Variants in SLC16A7 observed in about 807,000 individuals in gnomAD.
SLC16A7 encodes monocarboxylate transporter 2.
In SLC16A7, 33 loss-of-function variants were observed where a neutral mutation model predicts 34.9. The ratio of observed to expected loss-of-function variants is 0.94; its 90% CI spans 0.72 to 1.26. The LOEUF (loss-of-function observed/expected upper bound fraction) is 1.26. Among genes scored for constraint, SLC16A7 ranks in the 50% most tolerant of loss-of-function variants. The probability of loss-of-function intolerance (pLI) is 0.00; values close to 1 mark genes in which losing one functional copy is unlikely to be tolerated. For synonymous variants in SLC16A7, 201 were observed against 206.6 expected, an observed-to-expected ratio of 0.97 and a Z score of 0.23; for missense variants, 573 against 578.1, an observed-to-expected ratio of 0.99 and a Z score of 0.09.
At chr12:59,700,626 A>C (rs889127239) in intron 2 of SLC16A7, among the ~76,000 whole-genome samples, 1 of 151,246 alleles carries the variant, frequency 6.6e-6, no homozygotes, top group African/African-American at 2.4e-5. Context: ...TTAGGAACAC[A>C]TACACATATA....
At chr12:59,685,609 C>T (rs1871092438) in intron 2 of SLC16A7, among the ~76,000 whole-genome samples, 1 of 151,958 alleles carries the variant, frequency 6.6e-6, no homozygotes, top group South Asian at 2.1e-4. Context: ...TGATATGATT[C>T]CCACCTGCTA....
At chr12:59,744,276 A>G (rs1043877920) in intron 3 of SLC16A7, among the ~76,000 whole-genome samples, 1 of 152,068 alleles carries the variant, frequency 6.6e-6, no homozygotes. Flanking sequence ...CCATACCCAT[A>G]AAAACCCTAG....
chr12:59,722,404 C>A (rs949038795), intron 3 of SLC16A7, among the ~76,000 whole-genome samples: 1 of 151,902 alleles, frequency 6.6e-6, no homozygotes, highest in South Asian at 2.1e-4. Context: ...GTTCCTGTTT[C>A]TGAATATACC....
chr12:59,787,931 A>G lies in SLC16A7; in HGVS notation c.*8252A>G, dbSNP rs532730894. 1 of 152,202 alleles carries G rather than the reference A, an allele frequency of 6.6e-6. No homozygotes were observed. Among genetic ancestry groups the G allele is most frequent in the Non-Finnish European group, 1.5e-5 (1 of 68,040 alleles). The allele number at this position is 152,202 out of a possible 1,614,324, so 9.4% of individuals were successfully genotyped here. A position where few individuals can be genotyped will look rare whatever the true frequency, so the allele number is the denominator to read the frequency against. On this transcript the variant is annotated 3_prime_UTR_variant, in exon 6 of 6. Transcript: ENST00000547379. Reference sequence around the variant, plus strand: ...TAACTTAATCAAATATGAGTCAGATATAGTAATTCCTGATATTGCAGATGA... The same window carrying G: ...TAACTTAATCAAATATGAGTCAGATGTAGTAATTCCTGATATTGCAGATGA...
At chr12:59,639,810 C>A (rs1015616518) in intron 1 of SLC16A7, among the ~76,000 whole-genome samples, 5 of 152,166 alleles carry the variant, frequency 3.3e-5, no homozygotes, top group Non-Finnish European at 7.3e-5. Flanking sequence ...TAACTCAATT[C>A]TTATGCTAAT....
chr12:59,716,669 G>A (rs1333984684), intron 3 of SLC16A7, among the ~76,000 whole-genome samples: 1 of 151,942 alleles, frequency 6.6e-6, no homozygotes, highest in Non-Finnish European at 1.5e-5. Context: ...ACAACATGGT[G>A]AAACCCTGCC....
chr12:59,672,058 AT>A (rs1355275706), intron 2 of SLC16A7, among the ~76,000 whole-genome samples: 1 of 14 alleles, frequency 0.071, no homozygotes, highest in African/African-American at 0.17. Context: ...ATGTGTATAT[AT>A]CGCATATATC....
At chr12:59,634,429 G>T (rs1880324957) in intron 1 of SLC16A7, among the ~76,000 whole-genome samples, 1 of 152,040 alleles carries the variant, frequency 6.6e-6, no homozygotes, top group Admixed American at 6.6e-5. Context: ...GTTATAGTTG[G>T]TGAGAGAGAT....
chr12:59,749,633 G>A (rs1030851257), intron 3 of SLC16A7, among the ~76,000 whole-genome samples: 1 of 152,146 alleles, frequency 6.6e-6, no homozygotes, highest in African/African-American at 2.4e-5. Context: ...ATGTTTGGAA[G>A]AATTACACCC....
At chr12:59,639,753 C>T (rs1012094229) in intron 1 of SLC16A7, among the ~76,000 whole-genome samples, 2 of 152,108 alleles carry the variant, frequency 1.3e-5, no homozygotes, top group Non-Finnish European at 2.9e-5. Flanking sequence ...TTTCCCTTGC[C>T]AACCATTCTC....
chr12:59,668,459 T>C (rs768066442), intron 2 of SLC16A7, among the ~76,000 whole-genome samples: 9 of 152,198 alleles, frequency 5.9e-5, no homozygotes, highest in Non-Finnish European at 2.9e-5. Context: ...GACTGCCGTA[T>C]TGGATTTAGG....
chr12:59,663,098 A>G (rs1384118529), intron 2 of SLC16A7, among the ~76,000 whole-genome samples: 2 of 152,078 alleles, frequency 1.3e-5, no homozygotes, highest in African/African-American at 4.8e-5. Flanking sequence ...TAAGTACAAA[A>G]TACATTATTC....
chr12:59,699,054 T>C (rs1872603719), intron 2 of SLC16A7, among the ~76,000 whole-genome samples: 1 of 151,646 alleles, frequency 6.6e-6, no homozygotes, highest in African/African-American at 2.4e-5. Context: ...TAGTTTACTC[T>C]AGTGTTAGGA....
At chr12:59,597,680 C>G (rs1205192970) in intron 1 of SLC16A7, among the ~76,000 whole-genome samples, 1 of 152,110 alleles carries the variant, frequency 6.6e-6, no homozygotes, top group African/African-American at 2.4e-5. Context: ...GTGAAGCAAT[C>G]CTAACTCCAG....
At chr12:59,747,149 A>G (rs1424902904) in intron 3 of SLC16A7, among the ~76,000 whole-genome samples, 6 of 152,206 alleles carry the variant, frequency 3.9e-5, no homozygotes. Context: ...TTCTAAAACA[A>G]ATGACATTTT....
At chr12:59,660,976 C>G (rs1281390210) in intron 2 of SLC16A7, among the ~76,000 whole-genome samples, 2 of 152,066 alleles carry the variant, frequency 1.3e-5, no homozygotes, top group Non-Finnish European at 2.9e-5. Flanking sequence ...AGCCAAAACA[C>G]ATTAAAATAC....
rs1882609275 is a variant in SLC16A7 at position 59,775,058 on chromosome 12, G to A, written c.763G>A (p.Val255Ile). The change falls in exon 5 of 6, where the codon GTC (valine) becomes ATC (isoleucine). Residue 255 changes from valine to isoleucine, a missense_variant. By Grantham distance (29) the Val-to-Ile change is conservative. Coordinates refer to ENST00000547379, the MANE Select transcript of SLC16A7 (RefSeq NM_001270623.2). Reference sequence around the variant, plus strand: ...ATTTCTGATATATCTGTCTGGAAATGTCATTATGTTCCTAGGTTTTTTTGC... The same window carrying A: ...ATTTCTGATATATCTGTCTGGAAATATCATTATGTTCCTAGGTTTTTTTGC... ...RGFLIYLSGN[V>I]IMFLGFFAPI... 1 of 1,613,988 alleles carries A rather than the reference G, an allele frequency of 6.2e-7. No individual in the cohort carries two copies. The highest frequency in any genetic ancestry group is 8.5e-7 in the Non-Finnish European group (1 of 1,180,008).
chr12:59,758,290 C>A (rs953317781), intron 3 of SLC16A7, among the ~76,000 whole-genome samples: 3 of 152,010 alleles, frequency 2.0e-5, no homozygotes, highest in African/African-American at 7.2e-5. Flanking sequence ...TTTTAGAAAA[C>A]TTAGGAATAA....
intron 1 of SLC16A7, among the ~76,000 whole-genome samples, chr12:59,619,010 T>C (rs1351897824): frequency 1.3e-5 from 2 of 152,084 alleles, no homozygotes; most frequent in African/African-American, 4.8e-5. Flanking sequence ...CATGACTCTA[T>C]TTTATTTCTC....
Sources: allele counts gnomAD v4.1 joint callset (sites outside exome capture counted in the v4.1 genomes callset), GRCh38; gene constraint gnomAD v4.1.1; transcripts MANE v1.5; gene names NCBI Gene and HGNC (gene_info 2026-07-23, HGNC 2026-07-21).